The following DOCK7 variants were observed in gnomAD, a reference collection of about 807,000 sequenced individuals.
DOCK7 encodes the protein dedicator of cytokinesis protein 7.
DOCK7 carries 138 observed loss-of-function variants against 271.0 expected under a neutral mutation model. The observed-to-expected ratio is 0.51, with a 90% CI of 0.44 to 0.59. The LOEUF is 0.59. Among genes scored for constraint, DOCK7 ranks in the 20% least tolerant of loss-of-function variants. The probability of loss-of-function intolerance (pLI) is 0.00; values close to 1 mark genes in which losing one functional copy is unlikely to be tolerated. For synonymous variants in DOCK7, 823 were observed against 876.1 expected, an observed-to-expected ratio of 0.94 and a Z score of 1.07; for missense variants, 2,066 against 2,592.4, an observed-to-expected ratio of 0.80 and a Z score of 4.41.
intron 13 of DOCK7, 135 bp downstream of exon 13, chr1:62,619,765 G>A: frequency 2.0e-6 from 1 of 496,032 alleles, no homozygotes. Flanking sequence ...ATAAAGTGAA[G>A]AAGACTGACA....
intron 1 of DOCK7, among the ~76,000 whole-genome samples, chr1:62,670,972 A>T (rs1659926975): frequency 6.6e-6 from 1 of 152,174 alleles, no homozygotes; most frequent in Admixed American, 6.5e-5. Flanking sequence ...GAAGATCTGC[A>T]GCTTCACTCC....
At position 62,647,514 on chromosome 1, in the gene DOCK7, G is replaced by A. The variant is rs74078656; in HGVS notation, c.818+177C>T. Among the ~76,000 whole-genome samples, 920 of 152,254 alleles carry A rather than the reference G, an allele frequency of 6.0e-3. 14 individuals carry two copies. The highest frequency in any genetic ancestry group is 0.021 in the African/African-American group (893 of 41,538). ...TCATAAATACGTTAGGCTTAGCACA[G>A]TAGGCTCAGCTTCATACATACGTTT... is the stretch of plus-strand genomic sequence containing the variant. On this transcript the variant is annotated intron_variant, in intron 7 of 49. Coordinates refer to ENST00000635253, the MANE Select transcript of DOCK7 (RefSeq NM_001367561.1).
At chr1:62,617,990 T>A (rs1652667480) in intron 14 of DOCK7, among the ~76,000 whole-genome samples, 1 of 152,030 alleles carries the variant, frequency 6.6e-6, no homozygotes, top group African/African-American at 2.4e-5. Context: ...GTGGTAAAAA[T>A]ATACTAGGAT....
intron 29 of DOCK7, among the ~76,000 whole-genome samples, 177 bp from the exon 30 acceptor site, chr1:62,529,623 T>C (rs1215488835): frequency 6.6e-6 from 1 of 152,134 alleles, no homozygotes; most frequent in African/African-American, 2.4e-5. Context: ...AAAATAAATG[T>C]ATAAAAATGT....
Position 62,535,573 on chromosome 1 carries a change from G to C in DOCK7, c.3531C>G (p.Ser1177=). ...AATAATGCTGTTGGCGGAAAGGCAC[G>C]GATAATTCAAACATATTTGCAATCT... ...DQKIANMFEL[S]VPFRQQHYLA... Residue 1177 remains serine (S), a synonymous_variant, in exon 29 of 50, where the codon TCC becomes TCG. Transcript: ENST00000635253. 6.2e-7 allele frequency: 1 copy of C among 1,613,908 alleles called. No individual in the cohort carries two copies. Among genetic ancestry groups the C allele is most frequent in the South Asian group, 1.1e-5 (1 of 91,064 alleles).
chr1:62,607,977 G>C (rs1245114626), intron 14 of DOCK7: 1 of 152,266 alleles, frequency 6.6e-6, no homozygotes, highest in East Asian at 1.9e-4. Flanking sequence ...AACTACTTGG[G>C]AGGCTGAGGC....
At chr1:62,506,855 G>A (rs1646952733) in intron 35 of DOCK7, among the ~76,000 whole-genome samples, 1 of 151,268 alleles carries the variant, frequency 6.6e-6, no homozygotes, top group African/African-American at 2.4e-5. Context: ...GCTGAGGCAG[G>A]AGAATCACTT....
intron 14 of DOCK7, among the ~76,000 whole-genome samples, chr1:62,599,073 A>C (rs1649728178): frequency 6.6e-6 from 1 of 152,074 alleles, no homozygotes; most frequent in Admixed American, 6.6e-5. Context: ...AACTTATAGG[A>C]TTATTGTAAG....
intron 14 of DOCK7, among the ~76,000 whole-genome samples, chr1:62,601,471 C>T (rs866376190): frequency 2.9e-4 from 44 of 151,578 alleles, no homozygotes; most frequent in African/African-American, 1.0e-3. Context: ...AGAACAATCT[C>T]CTGTTTAAGA....
In DOCK7 at chr1:62,601,817, G is replaced by A. The variant is rs556810307; in HGVS notation, c.1683-15193C>T. 5 of 1,610,230 alleles carry A rather than the reference G, an allele frequency of 3.1e-6. No individual in the cohort carries two copies. In the South Asian group the frequency reaches 4.4e-5, roughly 14 times the overall value. On this transcript the variant is annotated intron_variant, in intron 14 of 49. Transcript: ENST00000635253. The stretch of plus-strand genomic sequence containing the variant: ...ATTTATAACAGAGGTGAACATACAA[G>A]TGGCATGTATGCCATCAGACCCAGC...
In DOCK7 at chr1:62,631,337, G is replaced by A. The variant is rs775627602; in HGVS notation, c.1185C>T (p.Arg395=). 3.1e-6 allele frequency: 5 copies of A among 1,613,118 alleles called. No homozygotes were observed. The highest frequency in any genetic ancestry group is 4.2e-6 in the Non-Finnish European group (5 of 1,179,606). The change falls in exon 11 of 50, where the codon CGC becomes CGT. Residue 395 remains arginine, a synonymous_variant. Coordinates refer to ENST00000635253, the MANE Select transcript of DOCK7 (RefSeq NM_001367561.1). ...GGATTGCAGTCCAAGCAAAAGGCAT[G>A]CGATATTTCCCAAGTCTTTGGCAAA... The part of the protein sequence containing the change: ...DQFCQRLGKY[R]MPFAWTAIHL...
At chr1:62,592,651 T>C (rs1209635572) in intron 14 of DOCK7, among the ~76,000 whole-genome samples, 1 of 152,170 alleles carries the variant, frequency 6.6e-6, no homozygotes, top group East Asian at 1.9e-4. Context: ...GAGCAAATTA[T>C]GTACATAACC....
intron 29 of DOCK7, among the ~76,000 whole-genome samples, chr1:62,534,579 T>C (rs1036678777): frequency 6.6e-6 from 1 of 152,036 alleles, no homozygotes; most frequent in Non-Finnish European, 1.5e-5. Flanking sequence ...CATGCCACTG[T>C]TGTCCACCCT....
At chr1:62,627,561 T>C (rs951643444) in intron 11 of DOCK7, 1 of 152,122 alleles carries the variant, frequency 6.6e-6, no homozygotes, top group Non-Finnish European at 1.5e-5. Flanking sequence ...ATAAGATCAA[T>C]ATACAAAAGC....
rs375372678 is a variant in DOCK7, at chr1:62,529,341, G to C, written c.3717C>G (p.Ala1239=). 172 of 1,613,526 alleles carry C rather than the reference G, an allele frequency of 1.1e-4. No individual in the cohort carries two copies. Among genetic ancestry groups the C allele is most frequent in the Non-Finnish European group, 1.3e-4 (154 of 1,179,840 alleles). ...YSDPQIKARV[A]MLYLPLIGII... ...TACCAATCAGAGGTAGATACAACAT[G>C]GCCACTCGAGCCTTTATCTGAGGGT... Residue 1239 remains alanine (A), a synonymous_variant, in exon 30 of 50, where the codon GCC becomes GCG. Coordinates refer to ENST00000635253, the MANE Select transcript of DOCK7 (RefSeq NM_001367561.1).
At chr1:62,647,975 G>A in intron 6 of DOCK7, 131 bp downstream of exon 6, 1 of 875,424 alleles carries the variant, frequency 1.1e-6, no homozygotes, top group Non-Finnish European at 1.8e-6. Flanking sequence ...AGTATAAAAT[G>A]TATTCATTTA....
At chr1:62,463,514 T>C (rs998208213) in intron 48 of DOCK7, among the ~76,000 whole-genome samples, 2 of 152,176 alleles carry the variant, frequency 1.3e-5, no homozygotes, top group Admixed American at 6.5e-5. Flanking sequence ...TAGACGGATA[T>C]TTGAGTAGCA....
chr1:62,461,312 A>T (rs1645518840), intron 48 of DOCK7, among the ~76,000 whole-genome samples: 1 of 152,104 alleles, frequency 6.6e-6, no homozygotes, highest in African/African-American at 2.4e-5. Context: ...GTCTATTAAG[A>T]TAATAATTCT....
At chr1:62,650,771 C>T (rs1328360003) in intron 4 of DOCK7, among the ~76,000 whole-genome samples, 4 of 152,022 alleles carry the variant, frequency 2.6e-5, no homozygotes, top group Non-Finnish European at 4.4e-5. Context: ...GTTAGAATGG[C>T]GATCATTAAA....
Sources: gnomAD v4.1 joint callset for allele counts (sites outside exome capture counted in the v4.1 genomes callset) on GRCh38, gnomAD v4.1.1 for gene constraint, MANE v1.5 for transcripts, NCBI Gene and HGNC (gene_info 2026-07-23, HGNC 2026-07-21) for gene names.